Variants in SETD9 observed in about 807,000 individuals in gnomAD.
The protein encoded by SETD9 is SET domain-containing protein 9.
SETD9 carries 37 observed loss-of-function variants against 36.4 expected under a neutral mutation model. The observed-to-expected ratio is 1.02, with a 90% CI of 0.78 to 1.34. The LOEUF (loss-of-function observed/expected upper bound fraction) is 1.34. Ranked by LOEUF, SETD9 falls within the 40% of genes most tolerant of loss-of-function variation. The pLI, the probability that SETD9 is intolerant of heterozygous loss-of-function variation, is 0.00. For missense variants in SETD9, 323 were observed against 353.2 expected (o/e 0.91, Z 0.69); for synonymous variants, 128 against 132.9 (o/e 0.96, Z 0.26).
chr5:56,923,133 CAG>C (rs1749753691), intron 5 of SETD9: 1 of 1,612,342 alleles, frequency 6.2e-7, no homozygotes, highest in African/African-American at 1.3e-5. Flanking sequence ...TCAGGTCACT[CAG>C]AGTGTAGGGC....
chr5:56,918,946 A>G (rs1389765029), downstream of SETD9, among the ~76,000 whole-genome samples: 1 of 152,192 alleles, frequency 6.6e-6, no homozygotes, highest in Admixed American at 6.5e-5. Flanking sequence ...CGGTCAAACT[A>G]TGAATCGTAT....
At chr5:56,928,544 TC>T, downstream of SETD9, 1 of 342,298 alleles carries the variant, frequency 2.9e-6, no homozygotes, top group Non-Finnish European at 5.3e-6. Context: ...GAGTCCACTT[TC>T]TGTGTCAACT....
chr5:56,911,376 C>G lies in SETD9; in HGVS notation c.306C>G (p.Asn102Lys). The G allele has an allele frequency of 6.2e-7, 1 of 1,613,260 alleles. No individual in the cohort carries two copies. The highest frequency in any genetic ancestry group is 2.2e-5 in the East Asian group (1 of 44,850). ...VEHQGVKLLENRHQQQSTFKP... is the reference protein window; with the variant it reads ...VEHQGVKLLEKRHQQQSTFKP... Reference sequence around the variant, plus strand: ...ATCAAGGGGTGAAACTGCTTGAAAACAGACATCAACAGCAAAGTACCTTTA... The same window carrying G: ...ATCAAGGGGTGAAACTGCTTGAAAAGAGACATCAACAGCAAAGTACCTTTA... The change falls in exon 2 of 6, where the codon AAC (asparagine) becomes AAG (lysine). Residue 102 changes from asparagine (N) to lysine (K), a missense_variant. Physicochemically the swap from Asn to Lys is moderately conservative, Grantham distance 94 (BLOSUM62 0). Coordinates refer to ENST00000285947, the MANE Select transcript of SETD9 (RefSeq NM_153706.4).
At chr5:56,922,013 T>G (rs1206546848), downstream of SETD9, 1 of 152,658 alleles carries the variant, frequency 6.6e-6, no homozygotes, top group Non-Finnish European at 1.5e-5. Context: ...TAATGTACCA[T>G]TCTATTTCAG....
downstream of SETD9, chr5:56,928,237 T>G (rs1750094469): frequency 6.6e-6 from 1 of 152,250 alleles, no homozygotes; most frequent in African/African-American, 2.4e-5. Context: ...ATTATTTAAT[T>G]ATACGGTAAG....
intron 2 of SETD9, among the ~76,000 whole-genome samples, chr5:56,911,931 C>A (rs190143491): frequency 6.6e-6 from 1 of 152,176 alleles, no homozygotes; most frequent in East Asian, 1.9e-4. Context: ...GAGGCCGAGG[C>A]GGGCAGATCG....
At chr5:56,912,104 G>C in intron 2 of SETD9, 2 of 839,612 alleles carry the variant, frequency 2.4e-6, no homozygotes, top group African/African-American at 1.8e-5. Context: ...GCAGTGAGCC[G>C]AGATTGTGCC....
rs1579819494 is a variant in SETD9, at chr5:56,917,312, T to C, written c.*410T>C. On this transcript the variant is annotated 3_prime_UTR_variant, in exon 6 of 6. Coordinates refer to ENST00000285947, the MANE Select transcript of SETD9 (RefSeq NM_153706.4). ...CTGTAAAAACTTTATTTTTACAGAA[T>C]TGAGTAAAAAATACCTATTGTGTTG... is the stretch of plus-strand genomic sequence containing the variant. 5 of 989,292 alleles carry C rather than the reference T, an allele frequency of 5.1e-6. No homozygotes were observed. The highest frequency in any genetic ancestry group is 5.1e-4 in the Middle Eastern group (1 of 1,942). The allele number at this position is 989,292 out of a possible 1,614,324, so 61.3% of individuals were successfully genotyped here.
At chr5:56,912,086 C>T (rs1444944059) in intron 2 of SETD9, 5 of 604,192 alleles carry the variant, frequency 8.3e-6, no homozygotes, top group Admixed American at 6.4e-5. Context: ...ACCCGGGAGG[C>T]GGAGGTTGCA....
intron 1 of SETD9, 39 bp downstream of exon 1, chr5:56,909,782 T>C: frequency 6.4e-7 from 1 of 1,557,864 alleles, no homozygotes; most frequent in Non-Finnish European, 8.8e-7. Context: ...GCACCTGCCT[T>C]CGGTTCCCAG....
At chr5:56,910,131 T>C (rs1174385534) in intron 1 of SETD9, 5 of 1,231,366 alleles carry the variant, frequency 4.1e-6, no homozygotes, top group Non-Finnish European at 5.2e-6. Context: ...CTGGGGAGCT[T>C]GTATCTGGGC....
intron 2 of SETD9, chr5:56,912,119 C>T (rs542047026): frequency 2.0e-5 from 18 of 920,704 alleles, no homozygotes; most frequent in South Asian, 1.5e-4. Context: ...TGTGCCATTG[C>T]GCTCCAGCCT....
chr5:56,911,400 T>C lies in SETD9; in HGVS notation c.330T>C (p.Phe110=), dbSNP rs1015787959. Residue 110 remains phenylalanine, a synonymous_variant, in exon 2 of 6, where the codon TTT becomes TTC. Coordinates refer to ENST00000285947, the MANE Select transcript of SETD9 (RefSeq NM_153706.4). The part of the protein sequence containing the change: ...LENRHQQQST[F]KPEEILYKTL... ...ACAGACATCAACAGCAAAGTACCTT[T>C]AAACCAGAAGAAATTCTTTACAAGA... The C allele has an allele frequency of 4.3e-6, 7 of 1,613,742 alleles. No homozygotes were observed. The highest frequency in any genetic ancestry group is 5.9e-6 in the Non-Finnish European group (7 of 1,179,950).
chr5:56,923,528 T>A, intron 5 of SETD9: 1 of 1,614,128 alleles, frequency 6.2e-7, no homozygotes, highest in Non-Finnish European at 8.5e-7. Context: ...AGGAAAGCTA[T>A]CATCCAAACA....
downstream of SETD9, among the ~76,000 whole-genome samples, chr5:56,926,921 CACAA>C (rs745603110): frequency 2.0e-5 from 3 of 151,980 alleles, no homozygotes; most frequent in Non-Finnish European, 4.4e-5. Flanking sequence ...TCAAAACAAA[CACAA>C]ACAAACAAAA....
Position 56,913,019 on chromosome 5 carries a change from T to C in SETD9, c.475T>C (p.Tyr159His), listed in dbSNP as rs752869677. 1 of 1,613,950 alleles carries C rather than the reference T, an allele frequency of 6.2e-7. No homozygotes were observed. Among genetic ancestry groups the C allele is most frequent in the South Asian group, 1.1e-5 (1 of 91,072 alleles). ...AVVSMYPGTVYQKYEPIFFQS... is the reference protein window; with the variant it reads ...AVVSMYPGTVHQKYEPIFFQS... ...GTCTTGTTGTGTAATAGGTACAGTA[T>C]ATCAGAAGTATGAGCCGATCTTTTT... Residue 159 changes from tyrosine (Y) to histidine (H), a missense_variant, in exon 3 of 6, where the codon TAT becomes CAT. Physicochemically the swap from Tyr to His is moderately conservative, Grantham distance 83. Transcript: ENST00000285947.
In SETD9 at chr5:56,913,855, A is replaced by G. The variant is rs955369711; in HGVS notation, c.591-19A>G. ...TTTTAAGATACAGATCCATTAGCTA[A>G]TGCTTTCACTTGTTTCAGATCTTGC... On this transcript the variant is annotated intron_variant, in intron 3 of 5. Transcript: ENST00000285947. 3.4e-6 allele frequency: 5 copies of G among 1,484,846 alleles called. No individual in the cohort carries two copies. Among genetic ancestry groups the G allele is most frequent in the Non-Finnish European group, 4.7e-6 (5 of 1,062,112 alleles). 92.0% of individuals were successfully genotyped at this position (1,484,846 alleles called of 1,614,324 possible). A position where few individuals can be genotyped will look rare whatever the true frequency, so the allele number is the denominator to read the frequency against.
At chr5:56,922,967 T>C (rs1749743710) in intron 5 of SETD9, 1 of 637,158 alleles carries the variant, frequency 1.6e-6, no homozygotes, top group African/African-American at 1.8e-5. Context: ...GATTGAAAAA[T>C]GAAAATACTC....
At chr5:56,928,597 A>G (rs1750117401), downstream of SETD9, 4 of 503,956 alleles carry the variant, frequency 7.9e-6, no homozygotes, top group Non-Finnish European at 1.4e-5. Context: ...CAGCCATTCC[A>G]TAAGCAGGCT....
Sources: allele counts gnomAD v4.1 joint callset (sites outside exome capture counted in the v4.1 genomes callset), GRCh38; gene constraint gnomAD v4.1.1; transcripts MANE v1.5; gene names NCBI Gene and HGNC (gene_info 2026-07-23, HGNC 2026-07-21).